ABCD3: variants seen among roughly 807,000 people sequenced by gnomAD.
The protein encoded by ABCD3 is ATP-binding cassette sub-family D member 3.
Under a neutral mutation model 105.5 loss-of-function variants are expected in ABCD3, and 41 were observed. That is an observed-to-expected ratio of 0.39 (90% CI 0.30 to 0.50). ABCD3 has a LOEUF of 0.50. Ranked by LOEUF, ABCD3 falls within the 20% of genes least tolerant of loss-of-function variation. ABCD3 has a pLI of 0.84. For missense variants in ABCD3, 622 were observed against 806.3 expected, an observed-to-expected ratio of 0.77 and a Z score of 2.77; for synonymous variants, 258 against 269.0, an observed-to-expected ratio of 0.96 and a Z score of 0.40.
intron 5 of ABCD3, 109 bp downstream of exon 5, chr1:94,473,944 C>CTT: frequency 1.3e-6 from 1 of 797,370 alleles, no homozygotes; most frequent in Non-Finnish European, 2.0e-6. Context: ...TACTAAGTTC[C>CTT]TATTTTCAGT....
At chr1:94,507,379 C>T (rs1400905189) in intron 21 of ABCD3, among the ~76,000 whole-genome samples, 1 of 152,132 alleles carries the variant, frequency 6.6e-6, no homozygotes, top group Non-Finnish European at 1.5e-5. Context: ...TTTTCTTAAT[C>T]CAGTCTATCT....
chr1:94,444,126 G>A (rs893082001), intron 1 of ABCD3, among the ~76,000 whole-genome samples: 4 of 152,030 alleles, frequency 2.6e-5, no homozygotes, highest in African/African-American at 7.2e-5. Context: ...GAGGTCAAGA[G>A]ATCAAGACCA....
chr1:94,392,626 C>A, the ABCD3 span, among the ~76,000 whole-genome samples: 3 of 152,162 alleles, frequency 2.0e-5, no homozygotes, highest in Non-Finnish European at 4.4e-5. Flanking sequence ...CCCTCTCTTC[C>A]TTTTCCGTAA....
At chr1:94,418,748 G>A (rs1374890330) in intron 1 of ABCD3, 160 bp downstream of exon 1, 1 of 702,500 alleles carries the variant, frequency 1.4e-6, no homozygotes, top group Non-Finnish European at 2.4e-6. Context: ...GGGTGTCCGC[G>A]AGTCCCCGCC....
At chr1:94,388,927 T>C in the ABCD3 span, among the ~76,000 whole-genome samples, 4 of 152,112 alleles carry the variant, frequency 2.6e-5, no homozygotes, top group Admixed American at 6.5e-5. Flanking sequence ...ATCTAACTTA[T>C]GAGATGCATC....
chr1:94,400,631 A>C, the ABCD3 span, among the ~76,000 whole-genome samples: 4 of 152,158 alleles, frequency 2.6e-5, no homozygotes, highest in Non-Finnish European at 5.9e-5. Context: ...GGATCAGGGG[A>C]TGACACCACC....
At chr1:94,423,257 T>C (rs1659332080) in intron 1 of ABCD3, among the ~76,000 whole-genome samples, 1 of 152,232 alleles carries the variant, frequency 6.6e-6, no homozygotes. Context: ...ATCACCTCTT[T>C]TAAAATTTCT....
At chr1:94,390,640 A>T in the ABCD3 span, among the ~76,000 whole-genome samples, 1 of 152,116 alleles carries the variant, frequency 6.6e-6, no homozygotes, top group Admixed American at 6.6e-5. Context: ...GGTGCTGCTA[A>T]TCTCTGCAAT....
At chr1:94,458,300 T>C (rs1647689014) in intron 1 of ABCD3, among the ~76,000 whole-genome samples, 1 of 152,210 alleles carries the variant, frequency 6.6e-6, no homozygotes, top group African/African-American at 2.4e-5. Context: ...CAAGCTATGA[T>C]TCAAGGATGA....
rs754457322 is a variant in ABCD3 at position 94,498,606 on chromosome 1, G to A, written c.1391G>A (p.Arg464Gln). The A allele has an allele frequency of 5.6e-6, 9 of 1,600,014 alleles. No individual in the cohort carries two copies. Among genetic ancestry groups the A allele is most frequent in the South Asian group, 1.1e-5 (1 of 88,270 alleles). ...VLIRDLNFEV[R>Q]SGANVLICGP... is the part of the protein sequence containing the mutation. ...TGATTTTTTTTTTTTTTTCAGGTTC[G>A]ATCTGGGGCTAATGTTCTAATTTGT... is the stretch of plus-strand genomic sequence containing the variant. The change falls in exon 17 of 23, where the codon CGA (arginine) becomes CAA (glutamine). Residue 464 changes from arginine to glutamine, a missense_variant. Around this residue, in one of 4 missense-constraint regions of ABCD3, gnomAD observed 285 missense variants for 352.5 expected, o/e 0.81. Coordinates refer to ENST00000370214, the MANE Select transcript of ABCD3 (RefSeq NM_002858.4).
chr1:94,418,115 T>G (rs1449391457), upstream of ABCD3, among the ~76,000 whole-genome samples: 2 of 151,724 alleles, frequency 1.3e-5, no homozygotes, highest in African/African-American at 4.8e-5. Context: ...AAAGCCGGGG[T>G]GTGCGCGCGA....
At chr1:94,460,639 G>T (rs886465750) in intron 2 of ABCD3, among the ~76,000 whole-genome samples, 8 of 152,062 alleles carry the variant, frequency 5.3e-5, no homozygotes, top group Non-Finnish European at 2.9e-5. Context: ...TTAACATGAC[G>T]TACTTTCAGT....
At chr1:94,428,069 G>GT (rs199615252) in intron 1 of ABCD3, among the ~76,000 whole-genome samples, 6,741 of 145,212 alleles carry the variant, frequency 0.046, 204 homozygotes, top group East Asian at 0.097. Flanking sequence ...GCTAAAAGGT[G>GT]TTTTGTTTTT....
chr1:94,495,124 A>G (rs989482348), intron 16 of ABCD3, among the ~76,000 whole-genome samples: 3 of 152,196 alleles, frequency 2.0e-5, no homozygotes, highest in Admixed American at 1.3e-4. Context: ...TTACCTTTTC[A>G]GTAAGGTATA....
intron 16 of ABCD3, among the ~76,000 whole-genome samples, chr1:94,493,396 A>C (rs1308289175): frequency 5.8e-4 from 88 of 152,144 alleles, no homozygotes; most frequent in African/African-American, 1.6e-3. Context: ...CAGTGAGATA[A>C]CATCTCACAC....
intron 1 of ABCD3, among the ~76,000 whole-genome samples, chr1:94,433,614 T>G (rs955980879): frequency 6.6e-6 from 1 of 150,748 alleles, no homozygotes; most frequent in African/African-American, 2.4e-5. Context: ...TAGGCAGTTG[T>G]AACACAATGG....
intron 1 of ABCD3, among the ~76,000 whole-genome samples, chr1:94,428,058 T>TTGTTACCTTCTTA (rs1356891160): frequency 1.1e-4 from 16 of 151,786 alleles, no homozygotes; most frequent in African/African-American, 3.9e-4. Context: ...AATAGGAGTA[T>TTGTTACCTTCTTA]GCTAAAAGGT....
upstream of ABCD3, among the ~76,000 whole-genome samples, chr1:94,413,866 G>T (rs1018273854): frequency 5.9e-5 from 9 of 152,120 alleles, no homozygotes; most frequent in African/African-American, 2.2e-4. Context: ...GTAGTACAAA[G>T]AAGATAATAA....
At chr1:94,399,494 A>G in the ABCD3 span, among the ~76,000 whole-genome samples, 1 of 152,196 alleles carries the variant, frequency 6.6e-6, no homozygotes, top group South Asian at 2.1e-4. Context: ...CCGTTCCCAG[A>G]GGTAACCAGT....
Sources: gnomAD v4.1 joint callset for allele counts (sites outside exome capture counted in the v4.1 genomes callset) on GRCh38, gnomAD v4.1.1 for gene constraint, gnomAD v4.1.1 regional missense constraint, MANE v1.5 for transcripts, NCBI Gene and HGNC (gene_info 2026-07-23, HGNC 2026-07-21) for gene names.